ZNF33A: variants seen among roughly 807,000 people sequenced by gnomAD.
The protein encoded by ZNF33A is zinc finger protein 33A.
A neutral mutation model predicts 15.9 loss-of-function variants in ZNF33A; 9 were observed. That is an observed-to-expected ratio of 0.57 (90% CI 0.34 to 0.99). The LOEUF (loss-of-function observed/expected upper bound fraction) is 0.99. ZNF33A is among the 50% of genes least tolerant of loss of function. The probability of loss-of-function intolerance (pLI) is 0.02; values close to 1 mark genes in which losing one functional copy is unlikely to be tolerated. For synonymous variants in ZNF33A, 294 were observed against 324.2 expected, an observed-to-expected ratio of 0.91 and a Z score of 1.00; for missense variants, 843 against 941.6, an observed-to-expected ratio of 0.90 and a Z score of 1.37.
At chr10:38,012,245 G>C in intron 1 of ZNF33A, 53 bp from the exon 2 acceptor site, 2 of 1,587,314 alleles carry the variant, frequency 1.3e-6, no homozygotes, top group Non-Finnish European at 8.6e-7. Flanking sequence ...GAATCCAGGA[G>C]TTGCCAGGCA....
At chr10:38,047,696 A>G (rs1320228619) in intron 4 of ZNF33A, among the ~76,000 whole-genome samples, 3 of 150,878 alleles carry the variant, frequency 2.0e-5, no homozygotes, top group Non-Finnish European at 4.4e-5. Context: ...GAGAACTTCA[A>G]GTAGTCTCTA....
At chr10:38,018,971 A>T (rs1239662489) in intron 4 of ZNF33A, among the ~76,000 whole-genome samples, 3 of 151,712 alleles carry the variant, frequency 2.0e-5, no homozygotes, top group South Asian at 4.2e-4. Context: ...AGCTTGTGAT[A>T]ATTTTATTTT....
At chr10:38,064,673 C>G (rs2066692476), downstream of ZNF33A, 1 of 152,354 alleles carries the variant, frequency 6.6e-6, no homozygotes, top group Non-Finnish European at 1.5e-5. Flanking sequence ...CTTCCTTCAC[C>G]TCTTCCCCAC....
rs2066350402 is a variant in ZNF33A, at chr10:38,054,391, TCA to T, written c.269_270del (p.His90ProfsTer11). 1 of 1,566,050 alleles carries T rather than the reference TCA, an allele frequency of 6.4e-7. No individual in the cohort carries two copies. The highest frequency in any genetic ancestry group is 1.4e-5 in the African/African-American group (1 of 72,986). On this transcript the variant is annotated frameshift_variant, in exon 5 of 5. Transcript: ENST00000432900. LOFTEE classifies it high-confidence loss of function. Reference protein sequence around the residue: ...QSFPEVWTADHLKERSQENQS... With the variant: ...QSFPEVWTADXLKERSQENQS... Reference sequence around the variant, plus strand: ...TGTTTCTAGAAGTCTGGACAGCTGATCACCTGAAAGAGAGGAGCCAAGAAAAC... The same window carrying T: ...TGTTTCTAGAAGTCTGGACAGCTGATCCTGAAAGAGAGGAGCCAAGAAAAC...
Position 38,030,322 on chromosome 10 carries a change from C to T in ZNF33A, c.250+12936C>T, listed in dbSNP as rs1472973911. Among the ~76,000 whole-genome samples the T allele has an allele frequency of 2.0e-5, 3 of 152,108 alleles. No homozygotes were observed. The East Asian group carries it at 5.8e-4, about 29-fold the overall frequency. On this transcript the variant is annotated intron_variant, in intron 4 of 4. Transcript: ENST00000432900. ...TTCATAGCAGTTTTATGGGTAATAG[C>T]CCAAACCTGAATAATCCAGATGTTC...
chr10:38,023,629 T>C (rs2064851781), intron 4 of ZNF33A, among the ~76,000 whole-genome samples: 2 of 152,168 alleles, frequency 1.3e-5, no homozygotes, highest in African/African-American at 2.4e-5. Flanking sequence ...TGAATGAACA[T>C]GCACAAAATA....
At chr10:38,035,099 T>C (rs376491357) in intron 4 of ZNF33A, among the ~76,000 whole-genome samples, 142 of 142,254 alleles carry the variant, frequency 1.0e-3, no homozygotes, top group African/African-American at 3.5e-3. Context: ...CCATCCATCA[T>C]CCATTTACTT....
intron 4 of ZNF33A, among the ~76,000 whole-genome samples, chr10:38,051,707 C>T (rs372336780): frequency 6.6e-6 from 1 of 151,832 alleles, no homozygotes; most frequent in African/African-American, 2.4e-5. Flanking sequence ...TTACATTTTA[C>T]AAGTAATAAA....
chr10:38,016,480 A>G (rs539528751), intron 2 of ZNF33A, among the ~76,000 whole-genome samples: 47 of 152,312 alleles, frequency 3.1e-4, no homozygotes, highest in African/African-American at 1.1e-3. Flanking sequence ...AGTGTTTTTC[A>G]TAATTCAACC....
intron 4 of ZNF33A, among the ~76,000 whole-genome samples, chr10:38,032,277 A>G (rs1446492769): frequency 6.6e-6 from 1 of 152,188 alleles, no homozygotes; most frequent in Non-Finnish European, 1.5e-5. Flanking sequence ...AGAACAATAC[A>G]TAATATCAGT....
intron 4 of ZNF33A, among the ~76,000 whole-genome samples, chr10:38,025,938 C>G (rs572051803): frequency 1.3e-5 from 2 of 152,202 alleles, no homozygotes; most frequent in Admixed American, 6.5e-5. Flanking sequence ...CTCATTCCCC[C>G]CTCCTGCCAG....
chr10:38,056,463 T>C lies in ZNF33A; in HGVS notation c.2339T>C (p.Met780Thr), dbSNP rs539817212. The C allele has an allele frequency of 6.2e-6, 10 of 1,613,732 alleles. No homozygotes were observed. The highest frequency in any genetic ancestry group is 3.3e-4 in the Middle Eastern group (2 of 6,060). Reference sequence around the variant, plus strand: ...ATAGGAGAAAACCTTATGAATGAAATGGATATTAGAAATTTCCAGCCACAA... The same window carrying C: ...ATAGGAGAAAACCTTATGAATGAAACGGATATTAGAAATTTCCAGCCACAA... Reference protein sequence around the residue: ...RHIGENLMNEMDIRNFQPQVS... With the variant: ...RHIGENLMNETDIRNFQPQVS... The change falls in exon 5 of 5, where the codon ATG (methionine) becomes ACG (threonine). Residue 780 changes from methionine to threonine, a missense_variant. Coordinates refer to ENST00000432900, the MANE Select transcript of ZNF33A (RefSeq NM_006954.2).
chr10:38,055,800 G>A lies in ZNF33A; in HGVS notation c.1676G>A (p.Gly559Glu), dbSNP rs772729838. ...GQKPFACPEC[G>E]KFFSHKSTLS... ...AAACCCTTTGCATGTCCCGAATGTG[G>A]GAAATTCTTTAGCCATAAGTCAACC... is the stretch of plus-strand genomic sequence containing the variant. Residue 559 changes from glycine (G) to glutamate (E), a missense_variant, in exon 5 of 5, where the codon GGG (glycine) becomes GAG (glutamate). By Grantham distance (98) the Gly-to-Glu change is moderately conservative (BLOSUM62 -2). Transcript: ENST00000432900. 2.5e-6 allele frequency: 4 copies of A among 1,585,924 alleles called. No homozygotes were observed. The highest frequency in any genetic ancestry group is 3.4e-6 in the Non-Finnish European group (4 of 1,161,916).
At chr10:38,018,482 A>G (rs2064570614) in intron 4 of ZNF33A, among the ~76,000 whole-genome samples, 1 of 152,202 alleles carries the variant, frequency 6.6e-6, no homozygotes, top group African/African-American at 2.4e-5. Flanking sequence ...TCCAAAGGTG[A>G]GCCCATCATA....
At chr10:38,022,456 T>C (rs985963894) in intron 4 of ZNF33A, among the ~76,000 whole-genome samples, 1 of 151,912 alleles carries the variant, frequency 6.6e-6, no homozygotes, top group African/African-American at 2.4e-5. Flanking sequence ...CAAGAGTTCG[T>C]GACCACCCTG....
rs1187519257 is a variant in ZNF33A at position 38,056,212 on chromosome 10, T to G, written c.2088T>G (p.Asn696Lys). 1.2e-6 allele frequency: 2 copies of G among 1,614,116 alleles called. No individual in the cohort carries two copies. Among genetic ancestry groups the G allele is most frequent in the South Asian group, 2.2e-5 (2 of 91,084 alleles). ...CGGGGGAGAAACCCTATGAATGCAA[T>G]GAATGTGGGAAATTCTTCAGGCACA... The part of the protein sequence containing the change: ...KHTGEKPYEC[N>K]ECGKFFRHKS... Residue 696 changes from asparagine to lysine, a missense_variant, in exon 5 of 5, where the codon AAT becomes AAG. Physicochemically the swap from Asn to Lys is moderately conservative, Grantham distance 94. Transcript: ENST00000432900.
intron 4 of ZNF33A, among the ~76,000 whole-genome samples, chr10:38,053,115 G>A (rs913657305): frequency 6.6e-6 from 1 of 151,866 alleles, no homozygotes; most frequent in African/African-American, 2.4e-5. Context: ...TTGCAATGCT[G>A]TTTATTCAAG....
intron 4 of ZNF33A, among the ~76,000 whole-genome samples, chr10:38,045,924 C>T (rs1447273194): frequency 6.6e-6 from 1 of 152,132 alleles, no homozygotes; most frequent in East Asian, 1.9e-4. Context: ...GAGGCTACAG[C>T]AGTGTTTTGC....
At chr10:38,065,029 G>T (rs1432234716), downstream of ZNF33A, 4 of 151,908 alleles carry the variant, frequency 2.6e-5, no homozygotes, top group African/African-American at 9.7e-5. Context: ...CCCTGTGGCT[G>T]CCTCCTCCTT....
Sources: allele counts gnomAD v4.1 joint callset (sites outside exome capture counted in the v4.1 genomes callset), GRCh38; gene constraint gnomAD v4.1.1; transcripts MANE v1.5; gene names NCBI Gene and HGNC (gene_info 2026-07-23, HGNC 2026-07-21).